The following ISM1 variants were observed in gnomAD, a reference collection of about 807,000 sequenced individuals.
ISM1 encodes the protein isthmin-1.
A neutral mutation model predicts 46.3 loss-of-function variants in ISM1; 25 were observed. The ratio of observed to expected loss-of-function variants is 0.54; its 90% confidence interval spans 0.39 to 0.75. The LOEUF is 0.75. Among genes scored for constraint, ISM1 ranks in the 30% least tolerant of loss-of-function variants. ISM1 has a pLI of 0.00. For synonymous variants in ISM1, 255 were observed against 256.7 expected, an observed-to-expected ratio of 0.99 and a Z score of 0.06; for missense variants, 536 against 625.4, an observed-to-expected ratio of 0.86 and a Z score of 1.52.
intron 1 of ISM1, among the ~76,000 whole-genome samples, chr20:13,230,495 C>A (rs1447140062): frequency 6.6e-6 from 1 of 152,096 alleles, no homozygotes; most frequent in Non-Finnish European, 1.5e-5. Context: ...TCTCTCTCAT[C>A]TTCTGAGAGC....
At chr20:13,287,047 C>A (rs933911546) in intron 3 of ISM1, among the ~76,000 whole-genome samples, 2 of 151,824 alleles carry the variant, frequency 1.3e-5, no homozygotes, top group Non-Finnish European at 2.9e-5. Flanking sequence ...TCTGTTAACC[C>A]AGTGACCTTG....
chr20:13,295,141 T>C (rs1194128194), intron 5 of ISM1, among the ~76,000 whole-genome samples: 1 of 152,146 alleles, frequency 6.6e-6, no homozygotes, highest in African/African-American at 2.4e-5. Flanking sequence ...TGCTGATGTC[T>C]TCCTCTCTTT....
the ISM1 span, among the ~76,000 whole-genome samples, chr20:13,307,732 T>G: frequency 6.6e-6 from 1 of 152,240 alleles, no homozygotes; most frequent in Admixed American, 6.5e-5. Context: ...AATATTGGAT[T>G]GTGAAATTCT....
At chr20:13,235,354 A>T (rs2039635890) in intron 1 of ISM1, among the ~76,000 whole-genome samples, 1 of 152,354 alleles carries the variant, frequency 6.6e-6, no homozygotes, top group Middle Eastern at 3.4e-3. Flanking sequence ...AAAAGTGGTC[A>T]TGGGCTTTGG....
At chr20:13,288,517 C>T (rs777517993) in intron 3 of ISM1, 23 bp from the exon 4 acceptor site, 14 of 1,610,522 alleles carry the variant, frequency 8.7e-6, no homozygotes, top group Non-Finnish European at 1.2e-5. Context: ...AAGTTGATGA[C>T]CATCTCCCTG....
At position 13,228,214 on chromosome 20, in the gene ISM1, C is replaced by G. The variant is rs1051236657; in HGVS notation, c.138+6300C>G. 4.6e-5 allele frequency among the ~76,000 whole-genome samples: 7 copies of G among 152,144 alleles called. No individual in the cohort carries two copies. In the East Asian group the frequency reaches 5.8e-4, roughly 13 times the overall value. ...TCTCGAACTCTTCATCTCAGGTGAT[C>G]TGCCCGTCCTGGCCTCCCAAAATGC... On this transcript the variant is annotated intron_variant, in intron 1 of 5. Transcript: ENST00000262487.
At position 13,246,130 on chromosome 20, in the gene ISM1, G is replaced by A. The variant is rs953329529; in HGVS notation, c.138+24216G>A. ...GAAAATACACAAAAAAGAATTAGTC[G>A]GGCATGGTGGCACACACCTGTAATC... On this transcript the variant is annotated intron_variant, in intron 1 of 5. Coordinates refer to ENST00000262487, the MANE Select transcript of ISM1 (RefSeq NM_080826.2). 5.9e-5 allele frequency among the ~76,000 whole-genome samples: 9 copies of A among 152,084 alleles called. No individual in the cohort carries two copies. The South Asian group carries it at 6.2e-4, about 11-fold the overall frequency.
At chr20:13,321,699 A>G in the ISM1 span, among the ~76,000 whole-genome samples, 19 of 152,230 alleles carry the variant, frequency 1.2e-4, no homozygotes, top group African/African-American at 4.6e-4. Flanking sequence ...TGACTGCTAC[A>G]TTCAACTCCC....
the ISM1 span, among the ~76,000 whole-genome samples, chr20:13,309,375 T>C: frequency 4.6e-5 from 7 of 152,180 alleles, 1 homozygote; most frequent in Non-Finnish European, 8.8e-5. Context: ...TTGAATATTA[T>C]TTCATAATAA....
At chr20:13,319,191 A>G in the ISM1 span, among the ~76,000 whole-genome samples, 3 of 152,140 alleles carry the variant, frequency 2.0e-5, no homozygotes, top group African/African-American at 7.2e-5. Context: ...CTGAAACAAT[A>G]GTCTATTTTT....
chr20:13,326,605 G>A, the ISM1 span, among the ~76,000 whole-genome samples: 7,396 of 151,998 alleles, frequency 0.049, 294 homozygotes, highest in East Asian at 0.15. Flanking sequence ...TTTCCTTAGC[G>A]TTTCATGATG....
chr20:13,241,525 G>A (rs1201785974), intron 1 of ISM1, among the ~76,000 whole-genome samples: 1 of 152,112 alleles, frequency 6.6e-6, no homozygotes, highest in Non-Finnish European at 1.5e-5. Flanking sequence ...CTTGTTCTGT[G>A]TAACAATTGG....
chr20:13,233,612 AAAG>A, intron 1 of ISM1, among the ~76,000 whole-genome samples: 1 of 152,156 alleles, frequency 6.6e-6, no homozygotes, highest in South Asian at 2.1e-4. Flanking sequence ...AAAAAAAAAA[AAAG>A]GAGATCCCAT....
In ISM1 at chr20:13,299,122, G is replaced by A; in HGVS notation, c.1058G>A (p.Gly353Glu). Reference protein sequence around the residue: ...RKDFRWKDASGPKEKLEIYKP... With the variant: ...RKDFRWKDASEPKEKLEIYKP... ...GACTTCCGCTGGAAGGACGCCAGCGGGCCCAAGGAGAAGCTGGAGATCTAC... is the reference window on the plus strand; with the variant it reads ...GACTTCCGCTGGAAGGACGCCAGCGAGCCCAAGGAGAAGCTGGAGATCTAC... The change falls in exon 6 of 6, where the codon GGG becomes GAG. Residue 353 changes from glycine (G) to glutamate (E), a missense_variant. Around this residue, in one of 2 missense-constraint regions of ISM1, gnomAD observed 169 missense variants for 249.3 expected, o/e 0.68. Transcript: ENST00000262487. The surrounding 1 kb of genome is among the most constrained non-coding windows in gnomAD (Gnocchi z 5.8). The A allele has an allele frequency of 6.2e-7, 1 of 1,613,094 alleles. No individual in the cohort carries two copies. The highest frequency in any genetic ancestry group is 8.5e-7 in the Non-Finnish European group (1 of 1,179,672).
At position 13,292,453 on chromosome 20, in the gene ISM1, G is replaced by T. The variant is rs1468626102; in HGVS notation, c.867G>T (p.Leu289=). The T allele has an allele frequency of 6.3e-7, 1 of 1,593,548 alleles. No homozygotes were observed. Among genetic ancestry groups the T allele is most frequent in the South Asian group, 1.1e-5 (1 of 87,326 alleles). ...GCGAGGAGTTTAATGCCACCAAACTGTTTGAAGTTGGTAAGATTTTTTTCT... is the reference window on the plus strand; with the variant it reads ...GCGAGGAGTTTAATGCCACCAAACTTTTTGAAGTTGGTAAGATTTTTTTCT... ...AGSEEFNATK[L]FEVDTDSCER... is the part of the protein sequence containing the mutation. The change falls in exon 5 of 6, where the codon CTG becomes CTT. Residue 289 remains leucine, a synonymous_variant. Coordinates refer to ENST00000262487, the MANE Select transcript of ISM1 (RefSeq NM_080826.2).
At chr20:13,308,446 T>C in the ISM1 span, among the ~76,000 whole-genome samples, 1 of 152,162 alleles carries the variant, frequency 6.6e-6, no homozygotes, top group Admixed American at 6.5e-5. Context: ...TCACCGCTTA[T>C]GGTGTTATGA....
intron 1 of ISM1, among the ~76,000 whole-genome samples, chr20:13,230,053 T>C (rs973001952): frequency 1.1e-4 from 16 of 152,228 alleles, no homozygotes; most frequent in Non-Finnish European, 1.6e-4. Context: ...CCTTCATTTA[T>C]TCACTTCTAC....
intron 1 of ISM1, among the ~76,000 whole-genome samples, chr20:13,232,378 A>T (rs143475497): frequency 6.6e-6 from 1 of 152,164 alleles, no homozygotes; most frequent in African/African-American, 2.4e-5. Flanking sequence ...GATTTCCTAG[A>T]CTTTTATATA....
intron 1 of ISM1, among the ~76,000 whole-genome samples, chr20:13,225,460 A>ATATATATATATAACAC (rs2039513263): frequency 6.6e-6 from 1 of 152,208 alleles, no homozygotes; most frequent in South Asian, 2.1e-4. Context: ...ATATATACAT[A>ATATATATATATAACAC]ATACACATAT....
Sources: gnomAD v4.1 joint callset for allele counts (sites outside exome capture counted in the v4.1 genomes callset) on GRCh38, gnomAD v4.1.1 for gene constraint, gnomAD v4.1.1 regional missense constraint, Gnocchi (gnomAD v3.1) non-coding constraint, MANE v1.5 for transcripts, NCBI Gene and HGNC (gene_info 2026-07-23, HGNC 2026-07-21) for gene names.